The following PDSS2 variants were observed in gnomAD, a reference collection of about 807,000 sequenced individuals.
PDSS2 encodes decaprenyl diphosphate synthase subunit 2.
A neutral mutation model predicts 44.5 loss-of-function variants in PDSS2; 31 were observed. That is an observed-to-expected ratio of 0.70 (90% CI 0.52 to 0.94). The LOEUF is 0.94. Ranked by LOEUF, PDSS2 falls within the 40% of genes least tolerant of loss-of-function variation. The pLI, the probability that PDSS2 is intolerant of heterozygous loss-of-function variation, is 0.00. For missense variants in PDSS2, 452 were observed against 482.2 expected (o/e 0.94, Z 0.59); for synonymous variants, 157 against 180.3 (o/e 0.87, Z 1.03).
At chr6:107,392,295 A>G (rs1054058283) in intron 1 of PDSS2, among the ~76,000 whole-genome samples, 1 of 152,230 alleles carries the variant, frequency 6.6e-6, no homozygotes, top group African/African-American at 2.4e-5. Flanking sequence ...ATACTGAAGT[A>G]GATTTCAATT....
At chr6:107,278,884 C>T (rs1775873005) in intron 2 of PDSS2, among the ~76,000 whole-genome samples, 1 of 152,136 alleles carries the variant, frequency 6.6e-6, no homozygotes, top group African/African-American at 2.4e-5. Flanking sequence ...TGAGTTTATA[C>T]AAGGCAAAGC....
chr6:107,171,709 T>C (rs1554248638), intron 7 of PDSS2, among the ~76,000 whole-genome samples: 1 of 152,056 alleles, frequency 6.6e-6, no homozygotes, highest in African/African-American at 2.4e-5. Context: ...GACATGAGCA[T>C]GGCGGGTGGT....
chr6:107,457,694 A>C (rs981019819), intron 1 of PDSS2, among the ~76,000 whole-genome samples: 1 of 152,234 alleles, frequency 6.6e-6, no homozygotes, highest in Non-Finnish European at 1.5e-5. Flanking sequence ...TTCCTAATTG[A>C]AGAAGATGAA....
At chr6:107,366,703 C>G (rs1296674453) in intron 1 of PDSS2, among the ~76,000 whole-genome samples, 5 of 152,058 alleles carry the variant, frequency 3.3e-5, no homozygotes, top group East Asian at 1.9e-4. Context: ...GAACATTACT[C>G]TATGCCAACA....
At chr6:107,172,780 T>TC (rs1439628813) in intron 7 of PDSS2, among the ~76,000 whole-genome samples, 5 of 151,088 alleles carry the variant, frequency 3.3e-5, no homozygotes, top group African/African-American at 4.8e-5. Context: ...TCTTTTTTTT[T>TC]TTCTTCTTCT....
intron 3 of PDSS2, among the ~76,000 whole-genome samples, chr6:107,253,817 TAAAC>T (rs1774908900): frequency 6.6e-6 from 1 of 152,168 alleles, no homozygotes; most frequent in South Asian, 2.1e-4. Flanking sequence ...TTTATTTGTT[TAAAC>T]AACAATTAGG....
intron 7 of PDSS2, among the ~76,000 whole-genome samples, chr6:107,190,918 G>A (rs1382363081): frequency 2.0e-5 from 3 of 152,036 alleles, no homozygotes; most frequent in Non-Finnish European, 2.9e-5. Flanking sequence ...TTGAGACGGA[G>A]TCTTGCTCTG....
At chr6:107,197,047 T>C (rs1397673962) in intron 6 of PDSS2, among the ~76,000 whole-genome samples, 1 of 152,240 alleles carries the variant, frequency 6.6e-6, no homozygotes, top group Non-Finnish European at 1.5e-5. Flanking sequence ...TTCTTTGTAA[T>C]ATTCTTTAAA....
chr6:107,356,848 A>G (rs1310950779), intron 1 of PDSS2, among the ~76,000 whole-genome samples: 2 of 152,176 alleles, frequency 1.3e-5, no homozygotes, highest in African/African-American at 4.8e-5. Context: ...GTTTTCTTAC[A>G]TTTCTACAGG....
chr6:107,312,471 C>T (rs1466489632), intron 2 of PDSS2, among the ~76,000 whole-genome samples: 1 of 152,172 alleles, frequency 6.6e-6, no homozygotes, highest in South Asian at 2.1e-4. Context: ...CCTGGCCCCA[C>T]TACTATGTCA....
At chr6:107,384,981 T>TATAC (rs1779568210) in intron 1 of PDSS2, among the ~76,000 whole-genome samples, 1 of 152,210 alleles carries the variant, frequency 6.6e-6, no homozygotes, top group Non-Finnish European at 1.5e-5. Context: ...CATACTATTT[T>TATAC]ATACACAGTA....
At chr6:107,314,502 GTC>G (rs2115133678) in intron 2 of PDSS2, among the ~76,000 whole-genome samples, 1 of 152,254 alleles carries the variant, frequency 6.6e-6, no homozygotes, top group East Asian at 1.9e-4. Flanking sequence ...GACAATTACA[GTC>G]TCTATCAATA....
chr6:107,444,806 G>C (rs986725736), intron 1 of PDSS2, among the ~76,000 whole-genome samples: 1 of 152,100 alleles, frequency 6.6e-6, no homozygotes, highest in Non-Finnish European at 1.5e-5. Flanking sequence ...GGAACATAAA[G>C]TCCCTACAAA....
intron 2 of PDSS2, among the ~76,000 whole-genome samples, chr6:107,287,301 T>C (rs1459582478): frequency 6.6e-6 from 1 of 152,158 alleles, no homozygotes; most frequent in Non-Finnish European, 1.5e-5. Context: ...CACCACTTCC[T>C]TTACCTTTCA....
At chr6:107,440,293 G>A (rs923285068) in intron 1 of PDSS2, among the ~76,000 whole-genome samples, 1 of 152,210 alleles carries the variant, frequency 6.6e-6, no homozygotes, top group South Asian at 2.1e-4. Flanking sequence ...CTGTGTGCCA[G>A]TGTGATATTC....
intron 2 of PDSS2, among the ~76,000 whole-genome samples, chr6:107,314,291 C>T (rs1777135674): frequency 6.6e-6 from 1 of 152,064 alleles, no homozygotes; most frequent in African/African-American, 2.4e-5. Flanking sequence ...TTCAGGGAAG[C>T]TCCAAATACT....
intron 2 of PDSS2, among the ~76,000 whole-genome samples, chr6:107,295,735 G>T (rs1186548830): frequency 2.0e-5 from 3 of 152,086 alleles, no homozygotes; most frequent in African/African-American, 7.2e-5. Context: ...CATGGGGGTG[G>T]GGAGAAGGAA....
chr6:107,275,708 GTTTGC>G (rs888377551), intron 2 of PDSS2, among the ~76,000 whole-genome samples: 8 of 152,164 alleles, frequency 5.3e-5, no homozygotes, highest in African/African-American at 1.7e-4. Context: ...TAAGTGGAGT[GTTTGC>G]TTTGAGTCAG....
At chr6:107,375,636 A>C (rs1329551646) in intron 1 of PDSS2, among the ~76,000 whole-genome samples, 4 of 152,220 alleles carry the variant, frequency 2.6e-5, no homozygotes, top group Non-Finnish European at 4.4e-5. Context: ...AAAACAGAAG[A>C]AAGCACTACC....
Sources: allele counts gnomAD v4.1 joint callset (sites outside exome capture counted in the v4.1 genomes callset), GRCh38; gene constraint gnomAD v4.1.1; transcripts MANE v1.5; gene names NCBI Gene and HGNC (gene_info 2026-07-23, HGNC 2026-07-21).